The following RIMS1 variants were observed in gnomAD, a reference collection of about 807,000 sequenced individuals.
RIMS1 encodes regulating synaptic membrane exocytosis 1, also known as regulating synaptic membrane exocytosis protein 1.
In RIMS1, 83 loss-of-function variants were observed where a neutral mutation model predicts 214.1. The ratio of observed to expected loss-of-function variants is 0.39; its 90% confidence interval spans 0.32 to 0.47. The LOEUF (loss-of-function observed/expected upper bound fraction) is 0.47, where lower values mean the gene tolerates loss of function less well. RIMS1 is among the 20% of genes least tolerant of loss of function. RIMS1 has a pLI of 0.99. For synonymous variants in RIMS1, 793 were observed against 786.8 expected (o/e 1.01, Z -0.13); for missense variants, 2,050 against 2,161.8 (o/e 0.95, Z 1.03).
rs189052108 is a variant in RIMS1 at position 72,102,874 on chromosome 6, A to C, written c.471+2888A>C. On this transcript the variant is annotated intron_variant, in intron 4 of 33. Transcript: ENST00000521978. Reference sequence around the variant, plus strand: ...TTAAATATTTATTCTTGTTATGAAAAGTCTTCTCAGAGTTATCCATATTTA... The same window carrying C: ...TTAAATATTTATTCTTGTTATGAAACGTCTTCTCAGAGTTATCCATATTTA... Among the ~76,000 whole-genome samples, 189 of 152,246 alleles carry C rather than the reference A, an allele frequency of 1.2e-3. 4 individuals carry two copies. The highest frequency in any genetic ancestry group is 6.8e-3 in the Middle Eastern group (2 of 294).
At chr6:71,969,101 T>G (rs185150223) in intron 2 of RIMS1, 38 bp downstream of exon 2, 1 of 1,571,866 alleles carries the variant, frequency 6.4e-7, no homozygotes, top group Admixed American at 1.7e-5. Context: ...GAAAATGTCG[T>G]CTCTTACACA....
At chr6:72,074,174 A>G (rs2152314926) in intron 2 of RIMS1, among the ~76,000 whole-genome samples, 1 of 152,268 alleles carries the variant, frequency 6.6e-6, no homozygotes, top group South Asian at 2.1e-4. Context: ...GCCCGTTACT[A>G]CCTTAAGAGA....
At chr6:72,082,686 C>T (rs1192549042) in intron 2 of RIMS1, among the ~76,000 whole-genome samples, 3 of 152,050 alleles carry the variant, frequency 2.0e-5, no homozygotes, top group Admixed American at 6.6e-5. Context: ...AGAGTAGGAG[C>T]GGCATATCTT....
intron 6 of RIMS1, among the ~76,000 whole-genome samples, chr6:72,214,085 G>A (rs866935933): frequency 2.6e-5 from 4 of 152,088 alleles, no homozygotes; most frequent in African/African-American, 9.7e-5. Context: ...TTACTACTAT[G>A]CATGAAAGCT....
At chr6:72,312,114 G>A (rs2095541609) in intron 27 of RIMS1, among the ~76,000 whole-genome samples, 1 of 152,092 alleles carries the variant, frequency 6.6e-6, no homozygotes, top group Admixed American at 6.5e-5. Context: ...TATAAATCCA[G>A]GTTGTAGCAT....
intron 2 of RIMS1, among the ~76,000 whole-genome samples, chr6:72,045,831 C>A (rs533102462): frequency 1.5e-4 from 22 of 147,968 alleles, no homozygotes; most frequent in Non-Finnish European, 3.0e-5. Flanking sequence ...ATTCTTTATT[C>A]TTTCCCCTCC....
chr6:72,231,755 A>T (rs2062045212), intron 6 of RIMS1, among the ~76,000 whole-genome samples: 1 of 151,712 alleles, frequency 6.6e-6, no homozygotes, highest in African/African-American at 2.4e-5. Context: ...ATTGAATCTT[A>T]CCCAGAAACA....
chr6:72,399,032 C>T lies in RIMS1; in HGVS notation c.4798C>T (p.Leu1600Phe), dbSNP rs756721052. The part of the protein sequence containing the change: ...KKKTRIARKT[L>F]DPLYQQSLVF... ...GAAGACAAGAATTGCACGAAAAACC[C>T]TTGATCCTTTGTATCAGCAGTCTCT... Residue 1600 changes from leucine (L) to phenylalanine (F), a missense_variant, in exon 33 of 34, where the codon CTT (leucine) becomes TTT (phenylalanine). Around this residue, in one of 6 missense-constraint regions of RIMS1, gnomAD observed 121 missense variants for 187.3 expected, o/e 0.65. Transcript: ENST00000521978. 9.9e-6 allele frequency: 16 copies of T among 1,610,224 alleles called. No individual in the cohort carries two copies. In the Admixed American group the frequency reaches 2.7e-4, roughly 27 times the overall value.
Position 72,162,038 on chromosome 6 carries a change from G to C in RIMS1, c.472-17537G>C, listed in dbSNP as rs1216706869. 2.9e-5 allele frequency among the ~76,000 whole-genome samples: 4 copies of C among 140,280 alleles called. 1 individual carries two copies. The highest frequency in any genetic ancestry group is 1.5e-4 in the Admixed American group (2 of 13,702). 92.0% of individuals were successfully genotyped at this position (140,280 alleles called of 152,430 possible). On this transcript the variant is annotated intron_variant, in intron 4 of 33. Coordinates refer to ENST00000521978, the MANE Select transcript of RIMS1 (RefSeq NM_014989.7). ...TGGGAGTCTAAGTCTCTTTGTAGGTGTCTAAGGACTTGCCTTATGAATCTG... is the reference window on the plus strand; with the variant it reads ...TGGGAGTCTAAGTCTCTTTGTAGGTCTCTAAGGACTTGCCTTATGAATCTG...
intron 6 of RIMS1, among the ~76,000 whole-genome samples, chr6:72,230,117 A>G (rs2061487348): frequency 6.6e-6 from 1 of 151,832 alleles, no homozygotes; most frequent in Admixed American, 6.6e-5. Flanking sequence ...TGGTCTGTGA[A>G]GTTTACATTT....
At chr6:72,260,628 T>G in intron 18 of RIMS1, 77 bp from the exon 19 acceptor site, 1 of 1,572,836 alleles carries the variant, frequency 6.4e-7, no homozygotes, top group Non-Finnish European at 8.7e-7. Flanking sequence ...CTTTTCATGT[T>G]TTCATTGGCA....
chr6:72,383,296 T>C (rs2098525411), intron 29 of RIMS1, among the ~76,000 whole-genome samples: 1 of 152,164 alleles, frequency 6.6e-6, no homozygotes, highest in Non-Finnish European at 1.5e-5. Context: ...GACTATGAAA[T>C]GGTTGATGGG....
chr6:71,929,889 GA>G (rs563265338), intron 1 of RIMS1, among the ~76,000 whole-genome samples: 184 of 148,986 alleles, frequency 1.2e-3, no homozygotes, highest in African/African-American at 4.4e-3. Flanking sequence ...CAATTGCTGA[GA>G]AAAAAAAAAC....
At chr6:72,386,879 G>T (rs112386871) in intron 29 of RIMS1, among the ~76,000 whole-genome samples, 1 of 151,348 alleles carries the variant, frequency 6.6e-6, no homozygotes, top group Non-Finnish European at 1.5e-5. Context: ...GACTACAGGC[G>T]CCCGCCACCA....
chr6:72,267,910 T>C (rs2081319291), intron 22 of RIMS1, among the ~76,000 whole-genome samples: 1 of 152,134 alleles, frequency 6.6e-6, no homozygotes, highest in Admixed American at 6.6e-5. Flanking sequence ...TGAAAACATA[T>C]ATTCACTCTA....
intron 29 of RIMS1, among the ~76,000 whole-genome samples, chr6:72,367,842 G>A (rs1339775670): frequency 6.6e-6 from 1 of 152,108 alleles, no homozygotes; most frequent in Non-Finnish European, 1.5e-5. Context: ...CAAATGAAGG[G>A]TTTCATAGAT....
chr6:72,147,626 GAGA>G (rs2042928359), intron 4 of RIMS1, among the ~76,000 whole-genome samples: 1 of 152,138 alleles, frequency 6.6e-6, no homozygotes, highest in Admixed American at 6.6e-5. Flanking sequence ...TCCATTGACT[GAGA>G]AGAAAAGAAT....
At chr6:71,951,963 A>G (rs945208942) in intron 1 of RIMS1, among the ~76,000 whole-genome samples, 1 of 152,092 alleles carries the variant, frequency 6.6e-6, no homozygotes, top group Non-Finnish European at 1.5e-5. Flanking sequence ...TTGAATGTGG[A>G]TGTGAGGTTG....
intron 6 of RIMS1, among the ~76,000 whole-genome samples, chr6:72,228,531 T>C (rs772074979): frequency 5.9e-5 from 9 of 151,942 alleles, no homozygotes; most frequent in Non-Finnish European, 8.8e-5. Flanking sequence ...TTAGTAATAC[T>C]GTGTTGTATG....
Sources: gnomAD v4.1 joint callset for allele counts (sites outside exome capture counted in the v4.1 genomes callset) on GRCh38, gnomAD v4.1.1 for gene constraint, gnomAD v4.1.1 regional missense constraint, MANE v1.5 for transcripts, NCBI Gene and HGNC (gene_info 2026-07-23, HGNC 2026-07-21) for gene names.